Variants in KIF16B observed in about 807,000 individuals in gnomAD.
KIF16B encodes the protein kinesin-like protein KIF16B.
Under a neutral mutation model 156.3 loss-of-function variants are expected in KIF16B, and 98 were observed. That is an observed-to-expected ratio of 0.63 (90% CI 0.53 to 0.74). The LOEUF (loss-of-function observed/expected upper bound fraction) is 0.74. Among genes scored for constraint, KIF16B ranks in the 30% least tolerant of loss-of-function variants. KIF16B has a pLI of 0.00. For missense variants in KIF16B, 1,421 were observed against 1,606.5 expected (o/e 0.88, Z 1.97); for synonymous variants, 564 against 583.7 (o/e 0.97, Z 0.49).
intron 18 of KIF16B, 27 bp downstream of exon 18, chr20:16,381,667 T>C (rs775298311): frequency 6.3e-7 from 1 of 1,589,830 alleles, no homozygotes; most frequent in Non-Finnish European, 8.6e-7. Context: ...TACAGGAGTG[T>C]TGAAACTTGA....
chr20:16,448,692 G>C (rs1176902988), intron 12 of KIF16B, among the ~76,000 whole-genome samples: 3 of 152,148 alleles, frequency 2.0e-5, no homozygotes, highest in Non-Finnish European at 2.9e-5. Flanking sequence ...ATTTAAGTAA[G>C]CAACAATAGC....
intron 1 of KIF16B, among the ~76,000 whole-genome samples, chr20:16,542,570 T>C (rs533583120): frequency 1.3e-5 from 2 of 152,062 alleles, no homozygotes; most frequent in African/African-American, 4.8e-5. Context: ...GGGTGAGATA[T>C]GAACAAACAC....
At chr20:16,312,309 G>A in intron 25 of KIF16B, 26 bp downstream of exon 25, 1 of 1,541,010 alleles carries the variant, frequency 6.5e-7, no homozygotes. Context: ...TACATACACA[G>A]AGGAAAAACA....
At chr20:16,380,331 A>T (rs2065065178) in intron 18 of KIF16B, among the ~76,000 whole-genome samples, 168 bp from the exon 19 acceptor site, 1 of 152,036 alleles carries the variant, frequency 6.6e-6, no homozygotes. Flanking sequence ...ATCCTGTTTA[A>T]TTTTTTTTAT....
chr20:16,390,150 G>C (rs889238356), intron 17 of KIF16B, among the ~76,000 whole-genome samples: 57 of 152,168 alleles, frequency 3.7e-4, no homozygotes, highest in African/African-American at 1.3e-3. Flanking sequence ...AAACACTCTG[G>C]GAATGGTTTT....
intron 24 of KIF16B, among the ~76,000 whole-genome samples, chr20:16,315,333 C>G (rs1281712946): frequency 1.3e-5 from 2 of 152,144 alleles, no homozygotes; most frequent in Non-Finnish European, 2.9e-5. Flanking sequence ...GACCATGATA[C>G]TCAACTAACT....
chr20:16,374,208 C>A (rs891416712), intron 20 of KIF16B, 49 bp downstream of exon 20: 6 of 1,475,214 alleles, frequency 4.1e-6, no homozygotes, highest in Middle Eastern at 1.8e-4. Context: ...ACAATGAGTC[C>A]TTGAGTCACA....
chr20:16,433,963 A>G (rs2066574310), intron 12 of KIF16B, among the ~76,000 whole-genome samples: 1 of 152,128 alleles, frequency 6.6e-6, no homozygotes, highest in African/African-American at 2.4e-5. Context: ...ACCCTCCCCC[A>G]ACTCCAGACA....
intron 1 of KIF16B, among the ~76,000 whole-genome samples, chr20:16,544,481 T>C (rs1600667830): frequency 6.6e-6 from 1 of 151,534 alleles, no homozygotes; most frequent in African/African-American, 2.4e-5. Context: ...GTGGCAGGTG[T>C]CTATAATCCC....
chr20:16,333,131 T>C (rs2063977800), intron 24 of KIF16B, among the ~76,000 whole-genome samples: 1 of 152,200 alleles, frequency 6.6e-6, no homozygotes, highest in Admixed American at 6.5e-5. Context: ...CCTCACCACT[T>C]TTCCAGGCCT....
intron 16 of KIF16B, 69 bp from the exon 17 acceptor site, chr20:16,404,970 G>C: frequency 9.3e-7 from 1 of 1,070,694 alleles, no homozygotes; most frequent in Non-Finnish European, 1.4e-6. Context: ...TGGACTCATT[G>C]CTTCCAACAT....
chr20:16,440,964 A>G (rs1251115788), intron 12 of KIF16B, among the ~76,000 whole-genome samples: 1 of 152,206 alleles, frequency 6.6e-6, no homozygotes, highest in Non-Finnish European at 1.5e-5. Flanking sequence ...TACCAATTAA[A>G]GAAATTACGT....
chr20:16,517,357 A>T (rs2069175903), intron 3 of KIF16B, among the ~76,000 whole-genome samples: 1 of 152,182 alleles, frequency 6.6e-6, no homozygotes, highest in East Asian at 1.9e-4. Flanking sequence ...CTTGCTCTCA[A>T]ATTCTGATGA....
chr20:16,312,335 C>T lies in KIF16B; in HGVS notation c.3795G>A (p.Glu1265=), dbSNP rs935129234. ...AGGAAAAACAGCTTAATTCTGTTAC[C>T]TCTAAGTGACTTCGTCTCTCAGCAA... ...RVIAERRSHL[E]KYLRDFFSVM... Residue 1265 remains glutamate (E), a splice_region_variant and synonymous_variant, in exon 25 of 26, where the codon GAG becomes GAA. Transcript: ENST00000354981. 1 of 1,610,656 alleles carries T rather than the reference C, an allele frequency of 6.2e-7. No homozygotes were observed. The highest frequency in any genetic ancestry group is 1.3e-5 in the African/African-American group (1 of 74,996).
chr20:16,426,932 A>C (rs2146416966), intron 15 of KIF16B, among the ~76,000 whole-genome samples, 172 bp downstream of exon 15: 1 of 152,254 alleles, frequency 6.6e-6, no homozygotes, highest in South Asian at 2.1e-4. Flanking sequence ...GGGTATTATA[A>C]AATAAGCCCT....
At chr20:16,433,635 A>C (rs750730237) in intron 12 of KIF16B, among the ~76,000 whole-genome samples, 2 of 151,960 alleles carry the variant, frequency 1.3e-5, no homozygotes, top group African/African-American at 4.8e-5. Context: ...ACACTCACAT[A>C]CACTTCCATA....
chr20:16,526,101 T>C lies in KIF16B; in HGVS notation c.222A>G (p.Ser74=), dbSNP rs61754556. 437 of 1,570,496 alleles carry C rather than the reference T, an allele frequency of 2.8e-4. 1 individual carries two copies. In the African/African-American group the frequency reaches 4.7e-3, roughly 17 times the overall value. ...TGAAAATATCATATACCATTTCTTG[T>C]GAAACGTAATCTGGGCTTTTTGTAT... is the stretch of plus-strand genomic sequence containing the variant. ...SADTKSPDYV[S]QEMVFKTLGT... is the part of the protein sequence containing the mutation. Residue 74 remains serine (S), a synonymous_variant, in exon 3 of 26, where the codon TCA becomes TCG. Transcript: ENST00000354981.
chr20:16,429,825 G>C (rs1379645408), intron 13 of KIF16B, 38 bp downstream of exon 13: 3 of 1,575,216 alleles, frequency 1.9e-6, no homozygotes, highest in Non-Finnish European at 2.6e-6. Context: ...GGAGAAACTG[G>C]AAACAAAATT....
chr20:16,523,462 G>A, intron 3 of KIF16B, among the ~76,000 whole-genome samples: 1 of 152,070 alleles, frequency 6.6e-6, no homozygotes, highest in Non-Finnish European at 1.5e-5. Flanking sequence ...AAATACCTAG[G>A]AATACAACTT....
Sources: allele counts gnomAD v4.1 joint callset (sites outside exome capture counted in the v4.1 genomes callset), GRCh38; gene constraint gnomAD v4.1.1; transcripts MANE v1.5; gene names NCBI Gene and HGNC (gene_info 2026-07-23, HGNC 2026-07-21).